Variants in DAAM1 observed in about 807,000 individuals in gnomAD.
DAAM1 encodes the protein disheveled-associated activator of morphogenesis 1.
A neutral mutation model predicts 130.0 loss-of-function variants in DAAM1; 52 were observed. The ratio of observed to expected loss-of-function variants is 0.40; its 90% CI spans 0.32 to 0.50. DAAM1 has a LOEUF of 0.50. DAAM1 is among the 20% of genes least tolerant of loss of function. The probability of loss-of-function intolerance (pLI) is 0.61; values close to 1 mark genes in which losing one functional copy is unlikely to be tolerated. For missense variants in DAAM1, 1,134 were observed against 1,303.8 expected, an observed-to-expected ratio of 0.87 and a Z score of 2.01; for synonymous variants, 452 against 444.5, an observed-to-expected ratio of 1.02 and a Z score of -0.21.
chr14:59,279,660 A>G (rs1236220697), intron 2 of DAAM1, among the ~76,000 whole-genome samples: 2 of 151,710 alleles, frequency 1.3e-5, no homozygotes, highest in East Asian at 3.9e-4. Flanking sequence ...AAACCATACA[A>G]TTTTTTTTTA....
At chr14:59,255,454 G>A (rs1258887487) in intron 1 of DAAM1, among the ~76,000 whole-genome samples, 2 of 152,138 alleles carry the variant, frequency 1.3e-5, no homozygotes, top group Non-Finnish European at 2.9e-5. Flanking sequence ...CCAGACATGA[G>A]GAATGTGAGA....
intron 3 of DAAM1, among the ~76,000 whole-genome samples, chr14:59,304,876 CT>C (rs1373501011): frequency 3.3e-5 from 5 of 152,212 alleles, no homozygotes; most frequent in Admixed American, 2.6e-4. Context: ...ACTGTTACCC[CT>C]GATTCTCCTT....
intron 2 of DAAM1, among the ~76,000 whole-genome samples, chr14:59,272,455 A>T (rs947578602): frequency 6.6e-6 from 1 of 152,114 alleles, no homozygotes; most frequent in Non-Finnish European, 1.5e-5. Flanking sequence ...ACATGCCTGT[A>T]ACCCCAGCTA....
chr14:59,347,079 ATC>A (rs1886112923), intron 16 of DAAM1, among the ~76,000 whole-genome samples: 1 of 152,222 alleles, frequency 6.6e-6, no homozygotes, highest in South Asian at 2.1e-4. Context: ...TTTGCATATT[ATC>A]TGTTGCTCAA....
At chr14:59,335,545 C>G (rs1355574138) in intron 15 of DAAM1, among the ~76,000 whole-genome samples, 2 of 152,176 alleles carry the variant, frequency 1.3e-5, no homozygotes, top group Non-Finnish European at 2.9e-5. Context: ...TCATTTCTCT[C>G]TATCCATACA....
At chr14:59,265,375 T>C (rs1319292833) in intron 2 of DAAM1, 1 of 152,248 alleles carries the variant, frequency 6.6e-6, no homozygotes, top group Non-Finnish European at 1.5e-5. Flanking sequence ...TTCTTTGATC[T>C]CCACTGCATG....
intron 23 of DAAM1, 88 bp downstream of exon 23, chr14:59,363,870 G>A (rs1886811225): frequency 6.4e-7 from 1 of 1,551,538 alleles, no homozygotes; most frequent in Non-Finnish European, 8.7e-7. Context: ...ACGGGAAATA[G>A]CAGGAGTGAG....
intron 1 of DAAM1, among the ~76,000 whole-genome samples, chr14:59,254,683 C>T (rs1881792999): frequency 6.6e-6 from 1 of 152,130 alleles, no homozygotes. Flanking sequence ...GTCTTGGCTT[C>T]CAGACTCTGG....
At chr14:59,193,299 A>G (rs1887788023) in intron 1 of DAAM1, among the ~76,000 whole-genome samples, 1 of 152,152 alleles carries the variant, frequency 6.6e-6, no homozygotes, top group African/African-American at 2.4e-5. Flanking sequence ...GCTGATAGAG[A>G]CCAGCGTTGA....
At chr14:59,251,225 T>A (rs1453835232) in intron 1 of DAAM1, among the ~76,000 whole-genome samples, 1 of 152,226 alleles carries the variant, frequency 6.6e-6, no homozygotes, top group African/African-American at 2.4e-5. Flanking sequence ...TCTTGGTGCC[T>A]GTGTATGAAT....
At chr14:59,229,513 A>T (rs1889040654) in intron 1 of DAAM1, among the ~76,000 whole-genome samples, 1 of 152,206 alleles carries the variant, frequency 6.6e-6, no homozygotes, top group Non-Finnish European at 1.5e-5. Context: ...AACCAAGAAT[A>T]AACATACAAA....
intron 1 of DAAM1, among the ~76,000 whole-genome samples, chr14:59,221,314 T>C (rs1263660957): frequency 6.6e-6 from 1 of 152,254 alleles, no homozygotes; most frequent in East Asian, 1.9e-4. Context: ...AAAACAAGGA[T>C]ATTTACTTAA....
chr14:59,304,725 C>G (rs1223609097), intron 3 of DAAM1, among the ~76,000 whole-genome samples: 1 of 152,198 alleles, frequency 6.6e-6, no homozygotes, highest in African/African-American at 2.4e-5. Flanking sequence ...GTCATTAATT[C>G]ATGAGTACAT....
intron 1 of DAAM1, among the ~76,000 whole-genome samples, chr14:59,223,447 A>G (rs1888839670): frequency 6.6e-6 from 1 of 152,150 alleles, no homozygotes; most frequent in African/African-American, 2.4e-5. Flanking sequence ...TTATTGTAAA[A>G]TCCTAAAAGC....
intron 20 of DAAM1, chr14:59,359,166 G>T (rs921978233): frequency 6.0e-6 from 2 of 331,924 alleles, no homozygotes; most frequent in Admixed American, 8.7e-5. Flanking sequence ...TGTGCTTTTT[G>T]ACATATATCT....
chr14:59,270,616 A>C, intron 2 of DAAM1, among the ~76,000 whole-genome samples: 1 of 152,220 alleles, frequency 6.6e-6, no homozygotes, highest in East Asian at 1.9e-4. Context: ...CTTTGAGCTC[A>C]GTAGTTGAGG....
chr14:59,363,636 T>C lies in DAAM1; in HGVS notation c.2695-15T>C. The stretch of plus-strand genomic sequence containing the variant: ...TTGAAGCCTGCATTGACATTATTCA[T>C]TTCCTGTGTTTAAGGAGCTGGAATA... On this transcript the variant is annotated splice_polypyrimidine_tract_variant and intron_variant, in intron 22 of 24. Transcript: ENST00000360909. The C allele has an allele frequency of 6.2e-7, 1 of 1,613,964 alleles. No individual in the cohort carries two copies. Among genetic ancestry groups the C allele is most frequent in the South Asian group, 1.1e-5 (1 of 91,060 alleles).
At chr14:59,271,197 T>C (rs1882692024) in intron 2 of DAAM1, among the ~76,000 whole-genome samples, 1 of 152,170 alleles carries the variant, frequency 6.6e-6, no homozygotes, top group Non-Finnish European at 1.5e-5. Context: ...TTGAGGATAA[T>C]AGAGTGCTGT....
At chr14:59,225,173 A>G (rs1336451130) in intron 1 of DAAM1, among the ~76,000 whole-genome samples, 2 of 151,882 alleles carry the variant, frequency 1.3e-5, no homozygotes, top group East Asian at 3.9e-4. Context: ...GACTACAGGC[A>G]TGCGCCACCA....
Sources: gnomAD v4.1 joint callset for allele counts (sites outside exome capture counted in the v4.1 genomes callset) on GRCh38, gnomAD v4.1.1 for gene constraint, MANE v1.5 for transcripts, NCBI Gene and HGNC (gene_info 2026-07-23, HGNC 2026-07-21) for gene names.